RHCE: variants seen among roughly 807,000 people sequenced by gnomAD.
RHCE encodes Rh blood group CcEe antigens.
A neutral mutation model predicts 43.8 loss-of-function variants in RHCE; 22 were observed. The observed-to-expected ratio is 0.50, with a 90% CI of 0.36 to 0.72. RHCE has a LOEUF of 0.72. Ranked by LOEUF, RHCE falls within the 30% of genes least tolerant of loss-of-function variation. The pLI, the probability that RHCE is intolerant of heterozygous loss-of-function variation, is 0.00. For synonymous variants in RHCE, 156 were observed against 210.7 expected (o/e 0.74, Z 2.25); for missense variants, 385 against 525.4 (o/e 0.73, Z 2.61).
chr1:25,404,416 G>A (rs565787164), intron 2 of RHCE, among the ~76,000 whole-genome samples: 55 of 142,346 alleles, frequency 3.9e-4, no homozygotes, highest in Admixed American at 2.8e-3. Context: ...AGGACTTTAG[G>A]GGAAGGTCAT....
At position 25,405,775 on chromosome 1, in the gene RHCE, A is replaced by C. The variant is rs1311520887; in HGVS notation, c.335+2908T>G. ...TGAGGAAAACAAACAACAACGTTGAATAAGATAGGCCCCTCCCCTGAAGGG... is the reference window on the plus strand; with the variant it reads ...TGAGGAAAACAAACAACAACGTTGACTAAGATAGGCCCCTCCCCTGAAGGG... On this transcript the variant is annotated intron_variant, in intron 2 of 9. Transcript: ENST00000294413. Among the ~76,000 whole-genome samples, 8 of 123,692 alleles carry C rather than the reference A, an allele frequency of 6.5e-5. 3 individuals are homozygous for C. Among genetic ancestry groups the C allele is most frequent in the Non-Finnish European group, 1.3e-4 (7 of 54,124 alleles). The allele number at this position is 123,692 out of a possible 152,430, so 81.1% of individuals were successfully genotyped here. A position where few individuals can be genotyped will look rare whatever the true frequency, so the allele number is the denominator to read the frequency against.
chr1:25,420,902 C>T (rs2042751600), upstream of RHCE: 63 of 1,552,784 alleles, frequency 4.1e-5, no homozygotes, highest in South Asian at 7.4e-4. Flanking sequence ...GGCCTTATCT[C>T]AGGCTGCAAG....
chr1:25,362,611 T>TG, intron 9 of RHCE, 58 bp from the exon 10 acceptor site: 1 of 1,217,712 alleles, frequency 8.2e-7, no homozygotes. Flanking sequence ...GATTTTGGCT[T>TG]GATCTCTTGA....
chr1:25,385,828 A>T lies in RHCE; in HGVS notation c.956T>A (p.Val319Glu). 1.2e-6 allele frequency: 2 copies of T among 1,613,900 alleles called. No individual in the cohort carries two copies. Among genetic ancestry groups the T allele is most frequent in the Non-Finnish European group, 1.7e-6 (2 of 1,179,992 alleles). Residue 319 changes from valine to glutamate, a missense_variant, in exon 7 of 10, where the codon GTG becomes GAG. By Grantham distance (121) the Val-to-Glu change is moderately radical. Transcript: ENST00000294413. ...GACGGAGATGTGGTGAATCCCCAGC[A>T]CTCGGTTACAACACACCTGTGGACA... is the stretch of plus-strand genomic sequence containing the variant. ...AKCLPVCCNRVLGIHHISVMH... is the reference protein window; with the variant it reads ...AKCLPVCCNRELGIHHISVMH...
intron 3 of RHCE, among the ~76,000 whole-genome samples, chr1:25,397,470 C>T (rs866427408): frequency 6.6e-6 from 1 of 151,514 alleles, no homozygotes; most frequent in African/African-American, 2.4e-5. Context: ...GCCATCCAGC[C>T]TGGGTGACAA....
At chr1:25,385,373 G>A (rs557138299) in intron 7 of RHCE, 92 of 396,962 alleles carry the variant, frequency 2.3e-4, no homozygotes, top group East Asian at 1.2e-3. Flanking sequence ...GTGGGAGCAC[G>A]TCCACAGCAA....
chr1:25,385,756 T>A lies in RHCE; in HGVS notation c.1028A>T (p.Tyr343Phe). 6.2e-7 allele frequency: 1 copy of A among 1,613,774 alleles called. No homozygotes were observed. The highest frequency in any genetic ancestry group is 8.5e-7 in the Non-Finnish European group (1 of 1,179,978). ...SLLGLLGEITYIVLLVLHTVW... is the reference protein window; with the variant it reads ...SLLGLLGEITFIVLLVLHTVW... ...AGTATGAAGCACCAGCAGCACAATGTAGGTGATCTCTCCAAGCAGACCCAG... is the reference window on the plus strand; with the variant it reads ...AGTATGAAGCACCAGCAGCACAATGAAGGTGATCTCTCCAAGCAGACCCAG... The change falls in exon 7 of 10, where the codon TAC becomes TTC. Residue 343 changes from tyrosine (Y) to phenylalanine (F), a missense_variant. By Grantham distance (22) the Tyr-to-Phe change is conservative (BLOSUM62 3). This residue lies in a region of RHCE where 82 missense variants were observed against 69.2 expected (regional missense o/e 1.18). Coordinates refer to ENST00000294413, the MANE Select transcript of RHCE (RefSeq NM_020485.8).
chr1:25,379,322 A>T (rs1047396243), intron 7 of RHCE, among the ~76,000 whole-genome samples: 3 of 151,308 alleles, frequency 2.0e-5, no homozygotes, highest in Non-Finnish European at 4.4e-5. Context: ...AATTTCATCA[A>T]CATATGAATT....
chr1:25,410,905 C>T (rs918882092), intron 1 of RHCE, among the ~76,000 whole-genome samples: 5 of 152,012 alleles, frequency 3.3e-5, no homozygotes, highest in African/African-American at 1.2e-4. Context: ...GCCTGGCCAA[C>T]ATGGTGAAAC....
intron 2 of RHCE, among the ~76,000 whole-genome samples, chr1:25,405,171 AAC>A (rs1422789410): frequency 2.6e-5 from 4 of 151,750 alleles, no homozygotes; most frequent in African/African-American, 9.7e-5. Context: ...CAGCCTGAGC[AAC>A]ACAGTGAGGT....
intron 7 of RHCE, among the ~76,000 whole-genome samples, chr1:25,383,660 G>A (rs1270399115): frequency 6.6e-6 from 1 of 152,036 alleles, no homozygotes; most frequent in Non-Finnish European, 1.5e-5. Flanking sequence ...GATCATCACT[G>A]TCACTATGCC....
At chr1:25,411,330 A>G in intron 1 of RHCE, 1 of 1,550,470 alleles carries the variant, frequency 6.4e-7, no homozygotes. Flanking sequence ...TCACAGCAAT[A>G]GGAACTCACC....
intron 7 of RHCE, among the ~76,000 whole-genome samples, chr1:25,377,758 C>A (rs1334797700): frequency 6.6e-6 from 1 of 151,918 alleles, no homozygotes; most frequent in African/African-American, 2.4e-5. Flanking sequence ...TACAAAAATT[C>A]GGTGGGCATG....
intron 8 of RHCE, among the ~76,000 whole-genome samples, chr1:25,373,671 G>A (rs913170791): frequency 1.3e-5 from 2 of 151,640 alleles, no homozygotes; most frequent in Non-Finnish European, 2.9e-5. Flanking sequence ...CTCAGAGGGA[G>A]TGAAGTGACA....
upstream of RHCE, among the ~76,000 whole-genome samples, chr1:25,424,256 A>G (rs2042788696): frequency 6.6e-6 from 1 of 152,198 alleles, no homozygotes. Flanking sequence ...TTTCCTACTT[A>G]CCATGGCTTT....
intron 6 of RHCE, among the ~76,000 whole-genome samples, chr1:25,387,433 G>A (rs1190752155): frequency 2.0e-5 from 3 of 152,162 alleles, no homozygotes; most frequent in Non-Finnish European, 2.9e-5. Flanking sequence ...GTGTTAAAAC[G>A]TATGTGTTGA....
At chr1:25,396,430 C>T (rs1646538044) in intron 3 of RHCE, among the ~76,000 whole-genome samples, 1 of 152,088 alleles carries the variant, frequency 6.6e-6, no homozygotes, top group African/African-American at 2.4e-5. Flanking sequence ...GAGAATGTCC[C>T]CTTGTTTTAG....
chr1:25,414,287 C>T (rs999454195), intron 1 of RHCE, among the ~76,000 whole-genome samples: 1 of 152,106 alleles, frequency 6.6e-6, no homozygotes, highest in Non-Finnish European at 1.5e-5. Context: ...TCTGGATCTG[C>T]ACCCCCTCCC....
intron 3 of RHCE, among the ~76,000 whole-genome samples, chr1:25,400,455 C>A (rs1186857561): frequency 2.0e-5 from 3 of 151,242 alleles, no homozygotes; most frequent in Non-Finnish European, 4.4e-5. Flanking sequence ...AAGCACAATT[C>A]TGTCTCCTTT....
Sources: gnomAD v4.1 joint callset for allele counts (sites outside exome capture counted in the v4.1 genomes callset) on GRCh38, gnomAD v4.1.1 for gene constraint, gnomAD v4.1.1 regional missense constraint, MANE v1.5 for transcripts, NCBI Gene and HGNC (gene_info 2026-07-23, HGNC 2026-07-21) for gene names.